The following CHAF1B variants were observed in gnomAD, a reference collection of about 807,000 sequenced individuals.
CHAF1B encodes the protein CAF-1 subunit B.
A neutral mutation model predicts 60.7 loss-of-function variants in CHAF1B; 10 were observed. The observed-to-expected ratio is 0.16, with a 90% CI of 0.10 to 0.28. CHAF1B has a LOEUF of 0.28. Among genes scored for constraint, CHAF1B ranks in the 10% least tolerant of loss-of-function variants. CHAF1B has a pLI of 1.00. For missense variants in CHAF1B, 558 were observed against 708.4 expected, an observed-to-expected ratio of 0.79 and a Z score of 2.41; for synonymous variants, 261 against 266.1, an observed-to-expected ratio of 0.98 and a Z score of 0.19.
In CHAF1B at chr21:36,416,500, CAT is replaced by C. The variant is rs1319326766; in HGVS notation, c.*135_*136del. ...AAATGGATTTCTATAACAGAAGTGA[CAT>C]GTGTACTGATTTTTCTCCAGAAATA... On this transcript the variant is annotated 3_prime_UTR_variant, in exon 14 of 14. Transcript: ENST00000314103. The C allele has an allele frequency of 1.9e-5, 11 of 588,062 alleles. No individual in the cohort carries two copies. In the East Asian group the frequency reaches 2.0e-4, roughly 10 times the overall value. The allele number at this position is 588,062 out of a possible 1,614,324, so 36.4% of individuals were successfully genotyped here. A position where few individuals can be genotyped will look rare whatever the true frequency, so the allele number is the denominator to read the frequency against.
intron 7 of CHAF1B, among the ~76,000 whole-genome samples, chr21:36,401,248 CAA>C (rs1331642081): frequency 6.7e-6 from 1 of 149,306 alleles, no homozygotes; most frequent in Non-Finnish European, 1.5e-5. Flanking sequence ...GCCTGGGCAA[CAA>C]GAGCGAAACT....
In CHAF1B at chr21:36,387,668, C is replaced by G; in HGVS notation, c.197C>G (p.Thr66Ser). 6.2e-7 allele frequency: 1 copy of G among 1,614,168 alleles called. No homozygotes were observed. Among genetic ancestry groups the G allele is most frequent in the Non-Finnish European group, 8.5e-7 (1 of 1,180,030 alleles). Residue 66 changes from threonine (T) to serine (S), a missense_variant, in exon 3 of 14, where the codon ACC becomes AGC. Physicochemically the swap from Thr to Ser is moderately conservative, Grantham distance 58 (BLOSUM62 1). Transcript: ENST00000314103. ...VEFLSNLARHTKAVNVVRFSP... is the reference protein window; with the variant it reads ...VEFLSNLARHSKAVNVVRFSP... ...TTTTTGTCCAATCTTGCTCGTCATA[C>G]CAAAGCCGTCAATGTTGTGCGTTTT...
In CHAF1B at chr21:36,406,435, G is replaced by C. The variant is rs1339542972; in HGVS notation, c.758-2326G>C. 3.3e-5 allele frequency among the ~76,000 whole-genome samples: 5 copies of C among 152,116 alleles called. No homozygotes were observed. The East Asian group carries it at 9.6e-4, about 29-fold the overall frequency. On this transcript the variant is annotated intron_variant, in intron 8 of 13. Coordinates refer to ENST00000314103, the MANE Select transcript of CHAF1B (RefSeq NM_005441.3). The stretch of plus-strand genomic sequence containing the variant: ...CAAGTAGCTGGGATTACAGGCGCCG[G>C]CCACCATGCCCAGCTAATTTTTGTA...
chr21:36,392,484 T>G (rs1431857233), intron 4 of CHAF1B, among the ~76,000 whole-genome samples: 1 of 148,742 alleles, frequency 6.7e-6, no homozygotes, highest in Admixed American at 6.7e-5. Context: ...GGCTCCTCAC[T>G]TCCCAGACAG....
chr21:36,394,515 T>C (rs1367021026), intron 4 of CHAF1B, 32 bp from the exon 5 acceptor site: 1 of 1,501,606 alleles, frequency 6.7e-7, no homozygotes. Context: ...TGGGGAGTAA[T>C]TGCTTTTTTC....
chr21:36,402,618 C>T (rs1264349453), intron 7 of CHAF1B, 140 bp from the exon 8 acceptor site: 1 of 655,604 alleles, frequency 1.5e-6, no homozygotes, highest in African/African-American at 1.8e-5. Context: ...CAATAAATGA[C>T]ACTATGTAAA....
chr21:36,406,819 G>C (rs907045510), intron 8 of CHAF1B, among the ~76,000 whole-genome samples: 2 of 152,294 alleles, frequency 1.3e-5, no homozygotes, highest in Admixed American at 1.3e-4. Flanking sequence ...CTTGCAAAGG[G>C]AGGACTCTAT....
chr21:36,414,870 G>T (rs1379011888), intron 12 of CHAF1B, among the ~76,000 whole-genome samples: 1 of 152,062 alleles, frequency 6.6e-6, no homozygotes, highest in East Asian at 1.9e-4. Flanking sequence ...GCCTCAGCCC[G>T]CCAAAGTGCT....
rs2086336853 is a variant in CHAF1B, at chr21:36,418,970, C to G, written c.*2604C>G. On this transcript the variant is annotated 3_prime_UTR_variant, in exon 14 of 14. Transcript: ENST00000314103. Reference sequence around the variant, plus strand: ...TGGCCTGCCTGTTCTCAGCCATCATCCTTAAATATAAATCAAAATTGGCAA... The same window carrying G: ...TGGCCTGCCTGTTCTCAGCCATCATGCTTAAATATAAATCAAAATTGGCAA... 6.6e-6 allele frequency: 1 copy of G among 152,150 alleles called. No homozygotes were observed. Among genetic ancestry groups the G allele is most frequent in the Non-Finnish European group, 1.5e-5 (1 of 68,060 alleles). The allele number at this position is 152,150 out of a possible 1,614,324, so 9.4% of individuals were successfully genotyped here. A position where few individuals can be genotyped will look rare whatever the true frequency, so the allele number is the denominator to read the frequency against.
At chr21:36,401,275 AAT>A (rs889503007) in intron 7 of CHAF1B, among the ~76,000 whole-genome samples, 2 of 147,622 alleles carry the variant, frequency 1.4e-5, no homozygotes, top group African/African-American at 5.0e-5. Flanking sequence ...CTCAAAAAAA[AAT>A]ATGTGTATAT....
chr21:36,412,015 A>G (rs1197478431), intron 11 of CHAF1B, among the ~76,000 whole-genome samples: 3 of 152,238 alleles, frequency 2.0e-5, no homozygotes, highest in Non-Finnish European at 2.9e-5. Context: ...GGCGTGAGCC[A>G]CCACGCCCGG....
chr21:36,414,890 G>T (rs2086305654), intron 12 of CHAF1B, among the ~76,000 whole-genome samples: 1 of 152,166 alleles, frequency 6.6e-6, no homozygotes, highest in African/African-American at 2.4e-5. Flanking sequence ...TGGGATTACA[G>T]GTGCGAACCA....
intron 4 of CHAF1B, among the ~76,000 whole-genome samples, chr21:36,393,223 G>A (rs950879357): frequency 6.6e-6 from 1 of 151,994 alleles, no homozygotes; most frequent in Non-Finnish European, 1.5e-5. Flanking sequence ...AGAGGGAGAG[G>A]GAGACGGTGG....
Position 36,409,884 on chromosome 21 carries a change from A to G in CHAF1B, c.919+419A>G, listed in dbSNP as rs148999632. ...TTTTTTTTTTTTCTTTCTTCAGGAT[A>G]TATTTTCTTGCTTAAGGCACTTTAA... On this transcript the variant is annotated intron_variant, in intron 10 of 13. Coordinates refer to ENST00000314103, the MANE Select transcript of CHAF1B (RefSeq NM_005441.3). 2.7e-3 allele frequency among the ~76,000 whole-genome samples: 404 copies of G among 149,238 alleles called. 5 individuals carry two copies. Among genetic ancestry groups the G allele is most frequent in the East Asian group, 8.3e-3 (42 of 5,082 alleles).
At chr21:36,388,347 G>T (rs199898351) in intron 3 of CHAF1B, among the ~76,000 whole-genome samples, 1 of 152,130 alleles carries the variant, frequency 6.6e-6, no homozygotes, top group Non-Finnish European at 1.5e-5. Flanking sequence ...CAAGCAAGGC[G>T]ACTGTTCTGG....
At position 36,411,735 on chromosome 21, in the gene CHAF1B, AT is replaced by A. The variant is rs925072519; in HGVS notation, c.1061+134del. ...GACATATTCACCAATTTTGTTTCTT[AT>A]TTATTTTTTTGAGACCAAGTATCAC... On this transcript the variant is annotated intron_variant, in intron 11 of 13. Transcript: ENST00000314103. 80 of 1,146,008 alleles carry A rather than the reference AT, an allele frequency of 7.0e-5. No homozygotes were observed. The African/African-American group carries it at 9.8e-4, about 14-fold the overall frequency. The allele number at this position is 1,146,008 out of a possible 1,614,324, so 71.0% of individuals were successfully genotyped here. A position where few individuals can be genotyped will look rare whatever the true frequency, so the allele number is the denominator to read the frequency against.
intron 8 of CHAF1B, among the ~76,000 whole-genome samples, chr21:36,407,285 G>A (rs144050419): frequency 3.3e-4 from 48 of 147,656 alleles, no homozygotes; most frequent in African/African-American, 1.2e-3. Context: ...CTGGGCAACA[G>A]AGTGAGACTC....
rs1555911822 is a variant in CHAF1B at position 36,389,759 on chromosome 21, A to ATGTGTGTG, written c.260-1757_260-1750dup. 3.9e-3 allele frequency among the ~76,000 whole-genome samples: 494 copies of ATGTGTGTG among 125,860 alleles called. 3 individuals carry two copies. Among genetic ancestry groups the ATGTGTGTG allele is most frequent in the Non-Finnish European group, 5.0e-3 (307 of 61,998 alleles). The allele number at this position is 125,860 out of a possible 152,430, so 82.6% of individuals were successfully genotyped here. On this transcript the variant is annotated intron_variant, in intron 3 of 13. Transcript: ENST00000314103. ...CATGATACCCAGAGTGCATGAAGGG[A>ATGTGTGTG]TGTGTGTGTGTGTGTGTGTGTGTGT... is the stretch of plus-strand genomic sequence containing the variant.
In CHAF1B at chr21:36,387,640, G is replaced by A; in HGVS notation, c.169G>A (p.Glu57Lys). Residue 57 changes from glutamate to lysine, a missense_variant, in exon 3 of 14, where the codon GAA becomes AAA. Around this residue, in one of 2 missense-constraint regions of CHAF1B, gnomAD observed 325 missense variants for 493.5 expected, o/e 0.66. Coordinates refer to ENST00000314103, the MANE Select transcript of CHAF1B (RefSeq NM_005441.3). The stretch of plus-strand genomic sequence containing the variant: ...GGGACCAGATGGAAAAGCCATCGTG[G>A]AATTTTTGTCCAATCTTGCTCGTCA... Reference protein sequence around the residue: ...EKGPDGKAIVEFLSNLARHTK... With the variant: ...EKGPDGKAIVKFLSNLARHTK... 6.2e-7 allele frequency: 1 copy of A among 1,614,140 alleles called. No individual in the cohort carries two copies. The highest frequency in any genetic ancestry group is 1.1e-5 in the South Asian group (1 of 91,078).
Sources: allele counts gnomAD v4.1 joint callset (sites outside exome capture counted in the v4.1 genomes callset), GRCh38; gene constraint gnomAD v4.1.1; regional missense constraint gnomAD v4.1.1; transcripts MANE v1.5; gene names NCBI Gene and HGNC (gene_info 2026-07-23, HGNC 2026-07-21).